The following HLCS variants were observed in gnomAD, a reference collection of about 807,000 sequenced individuals.
The protein encoded by HLCS is biotin--protein ligase.
HLCS carries 53 observed loss-of-function variants against 75.0 expected under a neutral mutation model. That is an observed-to-expected ratio of 0.71 (90% CI 0.57 to 0.89). The LOEUF (loss-of-function observed/expected upper bound fraction) is 0.89. Among genes scored for constraint, HLCS ranks in the 40% least tolerant of loss-of-function variants. HLCS has a pLI of 0.00. For synonymous variants in HLCS, 431 were observed against 428.6 expected (o/e 1.01, Z -0.07); for missense variants, 966 against 1,074.0 (o/e 0.90, Z 1.41).
chr21:36,838,323 CA>C (rs2062488342), intron 6 of HLCS, among the ~76,000 whole-genome samples: 1 of 151,752 alleles, frequency 6.6e-6, no homozygotes, highest in Non-Finnish European at 1.5e-5. Context: ...CACACACACA[CA>C]CACACCCCCA....
At chr21:36,823,682 T>G (rs990350359) in intron 6 of HLCS, among the ~76,000 whole-genome samples, 1 of 149,582 alleles carries the variant, frequency 6.7e-6, no homozygotes, top group Non-Finnish European at 1.5e-5. Flanking sequence ...ATGTGCTATA[T>G]AATTTATTTT....
intron 6 of HLCS, among the ~76,000 whole-genome samples, chr21:36,891,081 T>A (rs2064763383): frequency 6.6e-6 from 1 of 152,216 alleles, no homozygotes; most frequent in Admixed American, 6.5e-5. Flanking sequence ...CAGCCTTGTT[T>A]GTAGGTCACG....
intron 6 of HLCS, among the ~76,000 whole-genome samples, chr21:36,831,087 C>CT (rs2062193219): frequency 6.6e-6 from 1 of 152,042 alleles, no homozygotes; most frequent in Admixed American, 6.6e-5. Flanking sequence ...TTTGTATAAT[C>CT]TTTTCGGAGG....
chr21:36,851,530 G>T (rs1028051990), intron 6 of HLCS, among the ~76,000 whole-genome samples: 2 of 152,154 alleles, frequency 1.3e-5, no homozygotes, highest in African/African-American at 4.8e-5. Flanking sequence ...GAAGGGTAGT[G>T]GGGGGCAGGG....
intron 6 of HLCS, among the ~76,000 whole-genome samples, chr21:36,780,318 A>G: frequency 6.6e-6 from 1 of 151,918 alleles, no homozygotes; most frequent in Non-Finnish European, 1.5e-5. Context: ...TCCCAGGTTC[A>G]CACCATTCTC....
At chr21:36,989,777 A>G (rs1201337808) in intron 1 of HLCS, among the ~76,000 whole-genome samples, 1 of 151,846 alleles carries the variant, frequency 6.6e-6, no homozygotes, top group Admixed American at 6.5e-5. Flanking sequence ...TGCCCCTAAC[A>G]TGGGCGCGGG....
At chr21:36,940,708 C>G (rs772911476) in intron 2 of HLCS, among the ~76,000 whole-genome samples, 4 of 152,288 alleles carry the variant, frequency 2.6e-5, no homozygotes, top group Non-Finnish European at 4.4e-5. Flanking sequence ...CCTTGCTCAT[C>G]CAAGCAACTT....
intron 6 of HLCS, among the ~76,000 whole-genome samples, chr21:36,804,990 C>T (rs974135485): frequency 1.3e-5 from 2 of 152,146 alleles, no homozygotes; most frequent in African/African-American, 4.8e-5. Flanking sequence ...GGTGGCAGGG[C>T]CAGTACAATC....
At position 36,870,718 on chromosome 21, in the gene HLCS, T is replaced by C. The variant is rs567319169; in HGVS notation, c.1892+26142A>G. Among the ~76,000 whole-genome samples, 3 of 152,354 alleles carry C rather than the reference T, an allele frequency of 2.0e-5. No individual in the cohort carries two copies. In the South Asian group the frequency reaches 6.2e-4, roughly 32 times the overall value. ...TGAGGAAAAATATCTTAAGGACTAG[T>C]TAGCAGTGAGAATTTTCAATAAAAT... is the stretch of plus-strand genomic sequence containing the variant. On this transcript the variant is annotated intron_variant, in intron 6 of 10. Transcript: ENST00000674895.
chr21:36,947,695 G>T (rs1360077932), intron 2 of HLCS: 1 of 985,234 alleles, frequency 1.0e-6, no homozygotes, highest in South Asian at 4.7e-5. Context: ...AGCAGGCAAG[G>T]CATATCTTCT....
chr21:36,928,510 C>CA, intron 5 of HLCS, among the ~76,000 whole-genome samples: 1 of 152,144 alleles, frequency 6.6e-6, no homozygotes. Flanking sequence ...GTGGAGGCTG[C>CA]AGTGAGCCAT....
chr21:36,783,371 G>A (rs1232273630), intron 6 of HLCS, among the ~76,000 whole-genome samples: 1 of 152,132 alleles, frequency 6.6e-6, no homozygotes, highest in Non-Finnish European at 1.5e-5. Flanking sequence ...ATTTTTCAAT[G>A]ACTTTTTTAA....
chr21:36,936,557 G>A lies in HLCS; in HGVS notation c.1329C>T (p.Val443=). 1 of 1,614,192 alleles carries A rather than the reference G, an allele frequency of 6.2e-7. No individual in the cohort carries two copies. The highest frequency in any genetic ancestry group is 8.5e-7 in the Non-Finnish European group (1 of 1,180,020). ...CCTGGAGCCTGCCGGGGCTGAGCCGGACGGGGCCTTCCTGGTACCTGCAGC... is the reference window on the plus strand; with the variant it reads ...CCTGGAGCCTGCCGGGGCTGAGCCGAACGGGGCCTTCCTGGTACCTGCAGC... The part of the protein sequence containing the change: ...SSGCRYQEGP[V]RLSPGRLQGH... The change falls in exon 4 of 11, where the codon GTC becomes GTT. Residue 443 remains valine (V), a synonymous_variant. Transcript: ENST00000674895.
At position 36,809,059 on chromosome 21, in the gene HLCS, C is replaced by CA. The variant is rs1018545743; in HGVS notation, c.1893-41775dup. Among the ~76,000 whole-genome samples the CA allele has an allele frequency of 4.6e-5, 7 of 151,994 alleles. No individual in the cohort carries two copies. The East Asian group carries it at 9.6e-4, about 21-fold the overall frequency. On this transcript the variant is annotated intron_variant, in intron 6 of 10. Coordinates refer to ENST00000674895, the MANE Select transcript of HLCS (RefSeq NM_001352514.2). ...TGAGACCCTGTCTCTACTAAAAAGA[C>CA]AAAAAATAGCTGGGTGTGGTGGTTC...
chr21:36,766,086 C>T (rs755749603), intron 7 of HLCS, among the ~76,000 whole-genome samples: 4 of 152,144 alleles, frequency 2.6e-5, no homozygotes, highest in Admixed American at 6.5e-5. Context: ...GTTGCCTAGG[C>T]TGGAATGCAG....
At chr21:36,958,816 T>C (rs1044064488) in intron 2 of HLCS, among the ~76,000 whole-genome samples, 6 of 152,086 alleles carry the variant, frequency 3.9e-5, no homozygotes, top group Non-Finnish European at 8.8e-5. Context: ...AAACTTTGTC[T>C]GTCACTTAGC....
In HLCS at chr21:36,750,495, AT is replaced by A. The variant is rs1213824823; in HGVS notation, c.*3750del. 6.6e-6 allele frequency among the ~76,000 whole-genome samples: 1 copy of A among 152,090 alleles called. No individual in the cohort carries two copies. Among genetic ancestry groups the A allele is most frequent in the East Asian group, 1.9e-4 (1 of 5,196 alleles). On this transcript the variant is annotated 3_prime_UTR_variant, in exon 11 of 11. Transcript: ENST00000674895. Reference sequence around the variant, plus strand: ...CGCCTCCCTTGCCCCCACTCCTTTTATCCTTTTAAAAGTCCTATCAGCCCTG... The same window carrying A: ...CGCCTCCCTTGCCCCCACTCCTTTTACCTTTTAAAAGTCCTATCAGCCCTG...
intron 6 of HLCS, among the ~76,000 whole-genome samples, chr21:36,876,100 T>C (rs2063964658): frequency 6.6e-6 from 1 of 152,050 alleles, no homozygotes; most frequent in Non-Finnish European, 1.5e-5. Context: ...GGCCTGCCTG[T>C]GCACAGTGGC....
At chr21:36,950,426 C>A (rs1389659228) in intron 2 of HLCS, among the ~76,000 whole-genome samples, 6 of 151,766 alleles carry the variant, frequency 4.0e-5, no homozygotes, top group Non-Finnish European at 5.9e-5. Flanking sequence ...AGGACAAAAC[C>A]AGAGTGTTAG....
Sources: allele counts gnomAD v4.1 joint callset (sites outside exome capture counted in the v4.1 genomes callset), GRCh38; gene constraint gnomAD v4.1.1; transcripts MANE v1.5; gene names NCBI Gene and HGNC (gene_info 2026-07-23, HGNC 2026-07-21).